CNTN1: variants seen among roughly 807,000 people sequenced by gnomAD.
CNTN1 encodes contactin-1.
CNTN1 carries 38 observed loss-of-function variants against 126.4 expected under a neutral mutation model. That is an observed-to-expected ratio of 0.30 (90% CI 0.23 to 0.39). The LOEUF (loss-of-function observed/expected upper bound fraction) is 0.39. Ranked by LOEUF, CNTN1 falls within the 10% of genes least tolerant of loss-of-function variation. The probability of loss-of-function intolerance (pLI) is 1.00; values close to 1 mark genes in which losing one functional copy is unlikely to be tolerated. For synonymous variants in CNTN1, 413 were observed against 422.6 expected, an observed-to-expected ratio of 0.98 and a Z score of 0.28; for missense variants, 1,009 against 1,248.4, an observed-to-expected ratio of 0.81 and a Z score of 2.89.
At chr12:40,916,738 T>A (rs1244553109) in intron 3 of CNTN1, among the ~76,000 whole-genome samples, 1 of 152,092 alleles carries the variant, frequency 6.6e-6, no homozygotes, top group Non-Finnish European at 1.5e-5. Context: ...ATAATTGTGG[T>A]AGGCACATGG....
At chr12:40,782,220 T>C (rs932644148) in intron 1 of CNTN1, among the ~76,000 whole-genome samples, 12 of 151,942 alleles carry the variant, frequency 7.9e-5, no homozygotes, top group African/African-American at 1.4e-4. Context: ...ATAGTTTTAT[T>C]TGAAGTATTA....
At chr12:40,790,363 G>T (rs1940173421) in intron 1 of CNTN1, among the ~76,000 whole-genome samples, 1 of 152,094 alleles carries the variant, frequency 6.6e-6, no homozygotes, top group Non-Finnish European at 1.5e-5. Flanking sequence ...CCAGTGAGCT[G>T]TTACCACCTT....
At chr12:40,860,412 T>C (rs538052635) in intron 1 of CNTN1, among the ~76,000 whole-genome samples, 4 of 152,256 alleles carry the variant, frequency 2.6e-5, no homozygotes, top group African/African-American at 9.6e-5. Flanking sequence ...CTTTAATTTA[T>C]TGGAGTTAGT....
rs568872943 is a variant in CNTN1, at chr12:40,923,205, A to C, written c.400+777A>C. 5.8e-4 allele frequency among the ~76,000 whole-genome samples: 89 copies of C among 152,164 alleles called. 1 individual carries two copies. The highest frequency in any genetic ancestry group is 2.0e-3 in the African/African-American group (85 of 41,544). ...ATTATATTTTAGTTAATTTATTTTA[A>C]ATTTAAATTACATGAAACATTTCTT... On this transcript the variant is annotated intron_variant, in intron 5 of 23. Coordinates refer to ENST00000551295, the MANE Select transcript of CNTN1 (RefSeq NM_001843.4).
chr12:40,767,410 C>A (rs542821956), intron 1 of CNTN1, among the ~76,000 whole-genome samples: 2 of 133,706 alleles, frequency 1.5e-5, no homozygotes, highest in South Asian at 2.4e-4. Context: ...CCGGGTTCAC[C>A]CCATTCTCCT....
At chr12:40,792,565 T>C (rs12423720) in intron 1 of CNTN1, among the ~76,000 whole-genome samples, 9,197 of 152,106 alleles carry the variant, frequency 0.06, 365 homozygotes, top group Admixed American at 0.085. Flanking sequence ...AAATAATAGA[T>C]ACAGAAAGCC....
At chr12:40,799,846 T>C (rs1940580018) in intron 1 of CNTN1, among the ~76,000 whole-genome samples, 1 of 152,042 alleles carries the variant, frequency 6.6e-6, no homozygotes, top group Non-Finnish European at 1.5e-5. Flanking sequence ...ACATAGGCAT[T>C]ATTATTAGTA....
chr12:40,714,724 T>C (rs887978586), intron 1 of CNTN1, among the ~76,000 whole-genome samples: 1 of 152,104 alleles, frequency 6.6e-6, no homozygotes, highest in African/African-American at 2.4e-5. Context: ...AAAGTGACTA[T>C]ATCATATGAA....
At chr12:40,947,050 C>T (rs1009563118) in intron 14 of CNTN1, among the ~76,000 whole-genome samples, 1 of 151,656 alleles carries the variant, frequency 6.6e-6, no homozygotes, top group African/African-American at 2.4e-5. Context: ...AATGGGAACA[C>T]CAAAAAAGCA....
chr12:40,808,434 GGAA>G (rs1298009059), intron 1 of CNTN1, among the ~76,000 whole-genome samples: 3 of 151,778 alleles, frequency 2.0e-5, no homozygotes, highest in Non-Finnish European at 4.4e-5. Context: ...CATATAATTG[GGAA>G]GAAGTACTCA....
At chr12:41,040,400 G>A (rs180860770) in intron 23 of CNTN1, among the ~76,000 whole-genome samples, 7 of 152,222 alleles carry the variant, frequency 4.6e-5, no homozygotes, top group Admixed American at 4.6e-4. Context: ...GTTAAATAGT[G>A]AGGTAAATAA....
intron 17 of CNTN1, among the ~76,000 whole-genome samples, chr12:41,005,914 T>C (rs907567821): frequency 9.2e-5 from 14 of 152,168 alleles, no homozygotes; most frequent in Non-Finnish European, 1.8e-4. Context: ...CTGAATTCTA[T>C]TTCTGTGAAT....
chr12:40,839,519 A>G (rs1156289589), intron 1 of CNTN1, among the ~76,000 whole-genome samples: 4 of 152,182 alleles, frequency 2.6e-5, no homozygotes, highest in African/African-American at 9.7e-5. Context: ...CCAATCCTAA[A>G]AACAGCAAGA....
intron 1 of CNTN1, among the ~76,000 whole-genome samples, chr12:40,808,954 A>G (rs1592109969): frequency 6.6e-6 from 1 of 152,294 alleles, no homozygotes; most frequent in East Asian, 1.9e-4. Context: ...TATTTTTCAA[A>G]CATAATTATT....
chr12:41,016,725 T>C lies in CNTN1; in HGVS notation c.2228T>C (p.Ile743Thr). The C allele has an allele frequency of 6.2e-7, 1 of 1,614,146 alleles. No homozygotes were observed. Among genetic ancestry groups the C allele is most frequent in the Non-Finnish European group, 8.5e-7 (1 of 1,179,994 alleles). ...CACTATGGCAACAATTTTGGTTACATAGTGGCATTTAAGCCATTTGATGGA... is the reference window on the plus strand; with the variant it reads ...CACTATGGCAACAATTTTGGTTACACAGTGGCATTTAAGCCATTTGATGGA... Reference protein sequence around the residue: ...EYHYGNNFGYIVAFKPFDGEE... With the variant: ...EYHYGNNFGYTVAFKPFDGEE... Residue 743 changes from isoleucine to threonine, a missense_variant, in exon 19 of 24, where the codon ATA becomes ACA. Physicochemically the swap from Ile to Thr is moderately conservative, Grantham distance 89. Transcript: ENST00000551295.
chr12:40,697,177 C>T (rs112153767), intron 1 of CNTN1, among the ~76,000 whole-genome samples: 1 of 152,166 alleles, frequency 6.6e-6, no homozygotes, highest in African/African-American at 2.4e-5. Flanking sequence ...AGCCTCATAA[C>T]ACTTACTGCC....
chr12:40,777,806 T>C lies in CNTN1; in HGVS notation c.-77+85214T>C, dbSNP rs73112633. Among the ~76,000 whole-genome samples, 7 of 151,878 alleles carry C rather than the reference T, an allele frequency of 4.6e-5. No individual in the cohort carries two copies. The East Asian group carries it at 1.4e-3, about 29-fold the overall frequency. On this transcript the variant is annotated intron_variant, in intron 1 of 23. Transcript: ENST00000551295. ...AACCTTGGTAATATACTCAACAACT[T>C]TGAGCTTCAGATTCATCACCTATGG...
At chr12:40,973,337 A>G (rs547986629) in intron 15 of CNTN1, among the ~76,000 whole-genome samples, 1 of 152,258 alleles carries the variant, frequency 6.6e-6, no homozygotes, top group African/African-American at 2.4e-5. Context: ...GATAATTTTC[A>G]AGGCAAGAAC....
chr12:40,961,799 T>C (rs1045622747), intron 15 of CNTN1, among the ~76,000 whole-genome samples: 1 of 152,104 alleles, frequency 6.6e-6, no homozygotes, highest in Non-Finnish European at 1.5e-5. Context: ...ATACATTTCA[T>C]GTAGTTAAAT....
Sources: gnomAD v4.1 joint callset for allele counts (sites outside exome capture counted in the v4.1 genomes callset) on GRCh38, gnomAD v4.1.1 for gene constraint, MANE v1.5 for transcripts, NCBI Gene and HGNC (gene_info 2026-07-23, HGNC 2026-07-21) for gene names.